The following FHOD3 variants were observed in gnomAD, a reference collection of about 807,000 sequenced individuals.
FHOD3 encodes the protein FH1/FH2 domain-containing protein 3.
A neutral mutation model predicts 173.0 loss-of-function variants in FHOD3; 90 were observed. The observed-to-expected ratio is 0.52, with a 90% confidence interval of 0.44 to 0.62. FHOD3 has a LOEUF of 0.62. Ranked by LOEUF, FHOD3 falls within the 20% of genes least tolerant of loss-of-function variation. The pLI, the probability that FHOD3 is intolerant of heterozygous loss-of-function variation, is 0.00. For synonymous variants in FHOD3, 828 were observed against 823.0 expected (o/e 1.01, Z -0.10); for missense variants, 1,945 against 2,034.7 (o/e 0.96, Z 0.85).
chr18:36,345,769 T>C (rs1256673416), intron 1 of FHOD3, among the ~76,000 whole-genome samples: 1 of 152,046 alleles, frequency 6.6e-6, no homozygotes, highest in Non-Finnish European at 1.5e-5. Flanking sequence ...AGAATAGCAA[T>C]TAGTGAGCTA....
At position 36,652,400 on chromosome 18, in the gene FHOD3, G is replaced by A. The variant is rs544951928; in HGVS notation, c.1287-170G>A. Among the ~76,000 whole-genome samples, 58 of 152,382 alleles carry A rather than the reference G, an allele frequency of 3.8e-4. 2 individuals are homozygous for A. The South Asian group carries it at 0.01, about 27-fold the overall frequency. On this transcript the variant is annotated intron_variant, in intron 11 of 28. Transcript: ENST00000590592. ...GTCAGGATTGCTTGGGCAAACCAAA[G>A]CTGCTGGTGACAGGCTTTTATGCTT...
rs568143909 is a variant in FHOD3 at position 36,351,893 on chromosome 18, A to T, written c.166-3646A>T. 5.9e-5 allele frequency among the ~76,000 whole-genome samples: 9 copies of T among 152,240 alleles called. No individual in the cohort carries two copies. The South Asian group carries it at 1.9e-3, about 32-fold the overall frequency. The stretch of plus-strand genomic sequence containing the variant: ...ATCTGCTGGCCACTAGTACATTCCC[A>T]CCTCCTTCCAGTCTAAGAAGAGCAC... On this transcript the variant is annotated intron_variant, in intron 1 of 28. Transcript: ENST00000590592.
intron 13 of FHOD3, among the ~76,000 whole-genome samples, chr18:36,656,978 T>C (rs1430232554): frequency 6.6e-6 from 1 of 152,198 alleles, no homozygotes; most frequent in African/African-American, 2.4e-5. Flanking sequence ...ACATTTTCAG[T>C]ATATAAATAA....
Position 36,448,733 on chromosome 18 carries a change from T to TGG in FHOD3, c.338-53197_338-53196dup, listed in dbSNP as rs11439720. Among the ~76,000 whole-genome samples, 74 of 152,098 alleles carry TGG rather than the reference T, an allele frequency of 4.9e-4. 2 individuals carry two copies. The Middle Eastern group carries it at 0.041, about 84-fold the overall frequency. On this transcript the variant is annotated intron_variant, in intron 3 of 28. Coordinates refer to ENST00000590592, the MANE Select transcript of FHOD3 (RefSeq NM_001281740.3). The stretch of plus-strand genomic sequence containing the variant: ...TCCAGTTGTGTGGGACAACTCAGGA[T>TGG]GGGAGCCTGCTGAGATGCTGAAAAG...
At chr18:36,442,033 T>C (rs2143810064) in intron 3 of FHOD3, among the ~76,000 whole-genome samples, 1 of 152,324 alleles carries the variant, frequency 6.6e-6, no homozygotes, top group African/African-American at 2.4e-5. Flanking sequence ...CTATGAGTCA[T>C]AGTGAGAGAG....
At chr18:36,579,165 ACCTGCTC>A (rs2058760634) in intron 6 of FHOD3, among the ~76,000 whole-genome samples, 1 of 152,162 alleles carries the variant, frequency 6.6e-6, no homozygotes, top group East Asian at 1.9e-4. Context: ...TTCATTTGGA[ACCTGCTC>A]CCTCCCCAAG....
In FHOD3 at chr18:36,350,461, C is replaced by T. The variant is rs1249201404; in HGVS notation, c.166-5078C>T. ...GTAATGTTATCTTCCCCCATGGCTC[C>T]TGGCTTTGTCTTATGTCCTGAAGTG... On this transcript the variant is annotated intron_variant, in intron 1 of 28. Coordinates refer to ENST00000590592, the MANE Select transcript of FHOD3 (RefSeq NM_001281740.3). Among the ~76,000 whole-genome samples, 4 of 152,328 alleles carry T rather than the reference C, an allele frequency of 2.6e-5. No individual in the cohort carries two copies. The East Asian group carries it at 7.7e-4, about 29-fold the overall frequency.
At chr18:36,716,404 G>A (rs563316821) in intron 18 of FHOD3, among the ~76,000 whole-genome samples, 3 of 152,350 alleles carry the variant, frequency 2.0e-5, no homozygotes, top group African/African-American at 7.2e-5. Flanking sequence ...TGAGGTTTTT[G>A]GAATTAGCAG....
intron 3 of FHOD3, among the ~76,000 whole-genome samples, chr18:36,496,467 T>C (rs976300696): frequency 6.6e-6 from 1 of 152,232 alleles, no homozygotes; most frequent in Non-Finnish European, 1.5e-5. Context: ...TTAAAATGTA[T>C]GTTACGAATC....
chr18:36,442,815 C>G (rs1046734502), intron 3 of FHOD3, among the ~76,000 whole-genome samples: 2 of 152,134 alleles, frequency 1.3e-5, no homozygotes, highest in Non-Finnish European at 2.9e-5. Flanking sequence ...TTTTCCTATT[C>G]CAAGGTCCAG....
chr18:36,496,970 A>G (rs2145917626), intron 3 of FHOD3, among the ~76,000 whole-genome samples: 1 of 152,342 alleles, frequency 6.6e-6, no homozygotes, highest in African/African-American at 2.4e-5. Flanking sequence ...CAGCCAAAAT[A>G]GGTAATATTT....
At chr18:36,667,234 G>T (rs1484279754) in intron 14 of FHOD3, among the ~76,000 whole-genome samples, 1 of 152,146 alleles carries the variant, frequency 6.6e-6, no homozygotes, top group Non-Finnish European at 1.5e-5. Context: ...GTCACTTAAT[G>T]ATGGGGCTAT....
intron 3 of FHOD3, among the ~76,000 whole-genome samples, chr18:36,421,897 A>G (rs1411869494): frequency 6.6e-6 from 1 of 152,192 alleles, no homozygotes; most frequent in Non-Finnish European, 1.5e-5. Context: ...TAGCACCCCA[A>G]AGCCCTCTCT....
chr18:36,506,492 T>C (rs1318983934), intron 4 of FHOD3, among the ~76,000 whole-genome samples: 1 of 152,216 alleles, frequency 6.6e-6, no homozygotes, highest in Non-Finnish European at 1.5e-5. Flanking sequence ...GAAAATGATG[T>C]CTGACCTCCT....
intron 1 of FHOD3, among the ~76,000 whole-genome samples, chr18:36,343,903 G>A (rs1405631248): frequency 6.6e-6 from 1 of 152,214 alleles, no homozygotes; most frequent in African/African-American, 2.4e-5. Flanking sequence ...GGAGATTAGT[G>A]GTTGTGAGGG....
intron 3 of FHOD3, among the ~76,000 whole-genome samples, chr18:36,457,507 G>C (rs957703470): frequency 3.9e-5 from 6 of 151,980 alleles, no homozygotes; most frequent in South Asian, 2.1e-4. Flanking sequence ...AAATACGAAG[G>C]GTGTCTGAAT....
chr18:36,433,266 G>A (rs191657619), intron 3 of FHOD3, among the ~76,000 whole-genome samples: 1 of 152,244 alleles, frequency 6.6e-6, no homozygotes, highest in East Asian at 1.9e-4. Flanking sequence ...AGGGAGTCTT[G>A]GGGGGCATTT....
At chr18:36,395,370 T>A (rs1598955433) in intron 3 of FHOD3, among the ~76,000 whole-genome samples, 1 of 152,112 alleles carries the variant, frequency 6.6e-6, no homozygotes, top group East Asian at 1.9e-4. Context: ...CATTGTAAAC[T>A]ATACTCACTT....
intron 3 of FHOD3, among the ~76,000 whole-genome samples, chr18:36,425,372 G>A (rs892490537): frequency 6.6e-6 from 1 of 152,140 alleles, no homozygotes. Context: ...GTTAAGGGAC[G>A]TAGAATGGCT....
Sources: allele counts gnomAD v4.1 joint callset (sites outside exome capture counted in the v4.1 genomes callset), GRCh38; gene constraint gnomAD v4.1.1; transcripts MANE v1.5; gene names NCBI Gene and HGNC (gene_info 2026-07-23, HGNC 2026-07-21).